MYH8: variants seen among roughly 807,000 people sequenced by gnomAD.
MYH8 encodes myosin-8.
A neutral mutation model predicts 233.2 loss-of-function variants in MYH8; 168 were observed. The ratio of observed to expected loss-of-function variants is 0.72; its 90% CI spans 0.64 to 0.82. MYH8 has a LOEUF of 0.82. MYH8 is among the 40% of genes least tolerant of loss of function. The pLI is 0.00. For synonymous variants in MYH8, 785 were observed against 850.6 expected, an observed-to-expected ratio of 0.92 and a Z score of 1.34; for missense variants, 1,995 against 2,327.8, an observed-to-expected ratio of 0.86 and a Z score of 2.94.
chr17:10,401,401 T>G lies in MYH8; in HGVS notation c.2982A>C (p.Lys994Asn), dbSNP rs992750152. Residue 994 changes from lysine to asparagine, a missense_variant, in exon 24 of 40, where the codon AAA becomes AAC. Coordinates refer to ENST00000403437, the MANE Select transcript of MYH8 (RefSeq NM_002472.3). The part of the protein sequence containing the change: ...EMAGLDETIA[K>N]LSKEKKALQE... ...GGAGAGCCTTCTTCTCCTTGGACAGTTTTGCAATGGTTTCATCCAGGCCTG... is the reference window on the plus strand; with the variant it reads ...GGAGAGCCTTCTTCTCCTTGGACAGGTTTGCAATGGTTTCATCCAGGCCTG... 1.9e-6 allele frequency: 3 copies of G among 1,613,992 alleles called. 1 individual carries two copies. In the Middle Eastern group the frequency reaches 5.0e-4, roughly 266 times the overall value.
At chr17:10,404,726 TACAC>T (rs60545187) in intron 21 of MYH8, 141 bp from the exon 22 acceptor site, 10,789 of 761,508 alleles carry the variant, frequency 0.014, 13 homozygotes, top group Non-Finnish European at 0.016. Context: ...ATGCAGGCTT[TACAC>T]ACACACACAC....
intron 15 of MYH8, 140 bp downstream of exon 15, chr17:10,410,637 A>T: frequency 7.4e-7 from 1 of 1,348,254 alleles, no homozygotes; most frequent in South Asian, 1.2e-5. Context: ...AGTTAAAAAG[A>T]GGAAGTAATT....
In MYH8 at chr17:10,418,725, G is replaced by A. The variant is rs754575329; in HGVS notation, c.431C>T (p.Ala144Val). Residue 144 changes from alanine to valine, a missense_variant, in exon 5 of 40, where the codon GCC (alanine) becomes GTC (valine). Around this residue, in one of 3 missense-constraint regions of MYH8, gnomAD observed 479 missense variants for 600.9 expected, o/e 0.80. Transcript: ENST00000403437. ...CTCCTGGCGCTTTTTGCCTCTGTAG[G>A]CAGCCACCACCTCGGGCTTGTACAC... ...LPVYKPEVVA[A>V]YRGKKRQEAP... is the part of the protein sequence containing the mutation. The A allele has an allele frequency of 8.7e-6, 14 of 1,613,796 alleles. 1 individual carries two copies. The South Asian group carries it at 8.8e-5, about 10-fold the overall frequency.
rs1403210967 is a variant in MYH8 at position 10,418,629 on chromosome 17, T to A, written c.511+16A>T. The stretch of plus-strand genomic sequence containing the variant: ...CTATTTACACATTTCTGTAAATAGA[T>A]GCCTCACTCACTCACCAGTCAACAT... On this transcript the variant is annotated intron_variant, in intron 5 of 39. Coordinates refer to ENST00000403437, the MANE Select transcript of MYH8 (RefSeq NM_002472.3). The A allele has an allele frequency of 1.2e-6, 2 of 1,613,790 alleles. No homozygotes were observed. The highest frequency in any genetic ancestry group is 2.7e-5 in the African/African-American group (2 of 75,052).
chr17:10,412,620 G>A lies in MYH8; in HGVS notation c.1256C>T (p.Thr419Ile), dbSNP rs2072253455. 2 of 1,614,230 alleles carry A rather than the reference G, an allele frequency of 1.2e-6. No individual in the cohort carries two copies. Among genetic ancestry groups the A allele is most frequent in the Non-Finnish European group, 8.5e-7 (1 of 1,180,040 alleles). ...VGNEYVTKGQ[T>I]VQQVYNAVGA... Reference sequence around the variant, plus strand: ...AGGTCATGCACTTACCTGCTGCACAGTCTGGCCTTTGGTGACATACTCATT... The same window carrying A: ...AGGTCATGCACTTACCTGCTGCACAATCTGGCCTTTGGTGACATACTCATT... Residue 419 changes from threonine to isoleucine, a missense_variant, in exon 13 of 40, where the codon ACT (threonine) becomes ATT (isoleucine). Thr to Ile is a moderately conservative substitution (Grantham distance 89, BLOSUM62 -1). Coordinates refer to ENST00000403437, the MANE Select transcript of MYH8 (RefSeq NM_002472.3).
At chr17:10,402,751 A>G (rs2072155442) in intron 22 of MYH8, among the ~76,000 whole-genome samples, 1 of 152,188 alleles carries the variant, frequency 6.6e-6, no homozygotes, top group Non-Finnish European at 1.5e-5. Flanking sequence ...GTTATTACAA[A>G]TGAAAATATT....
rs779989441 is a variant in MYH8 at position 10,396,285 on chromosome 17, T to C, written c.4653+45A>G. The C allele has an allele frequency of 3.1e-6, 5 of 1,608,648 alleles. No homozygotes were observed. The East Asian group carries it at 8.9e-5, about 29-fold the overall frequency. ...ACTAGCCCCACTTTTTTTTAACTGATGTTTGTCTTTGTTTTTCCATAACAT... is the reference window on the plus strand; with the variant it reads ...ACTAGCCCCACTTTTTTTTAACTGACGTTTGTCTTTGTTTTTCCATAACAT... On this transcript the variant is annotated intron_variant, in intron 33 of 39. Coordinates refer to ENST00000403437, the MANE Select transcript of MYH8 (RefSeq NM_002472.3). The surrounding 1 kb of genome is among the most constrained non-coding windows in gnomAD (Gnocchi z 4.2).
Position 10,415,040 on chromosome 17 carries a change from G to A in MYH8, c.805+76C>T, listed in dbSNP as rs2072276723. The A allele has an allele frequency of 1.4e-5, 19 of 1,389,930 alleles. No individual in the cohort carries two copies. The highest frequency in any genetic ancestry group is 4.3e-5 in the African/African-American group (3 of 70,300). 86.1% of individuals were successfully genotyped at this position (1,389,930 alleles called of 1,614,324 possible). A position where few individuals can be genotyped will look rare whatever the true frequency, so the allele number is the denominator to read the frequency against. Reference sequence around the variant, plus strand: ...ACCCTTTTAACAGGCTTCATGCACAGCAAGGGTGGCAAAATATCCCTGCAA... The same window carrying A: ...ACCCTTTTAACAGGCTTCATGCACAACAAGGGTGGCAAAATATCCCTGCAA... On this transcript the variant is annotated intron_variant, in intron 9 of 39. Transcript: ENST00000403437. This position sits in a 1 kb window ranked among gnomAD's most constrained non-coding sequence, Gnocchi z 4.1.
In MYH8 at chr17:10,400,898, G is replaced by C. The variant is rs749713546; in HGVS notation, c.3316C>G (p.Gln1106Glu). Residue 1106 changes from glutamine (Q) to glutamate (E), a missense_variant, in exon 26 of 40, where the codon CAA becomes GAA. Around this residue, in one of 3 missense-constraint regions of MYH8, gnomAD observed 1,498 missense variants for 1,680.9 expected, o/e 0.89. Coordinates refer to ENST00000403437, the MANE Select transcript of MYH8 (RefSeq NM_002472.3). The surrounding 1 kb of genome is among the most constrained non-coding windows in gnomAD (Gnocchi z 4.0). ...KIEDEQAVEIQLQKKIKELQA... is the reference protein window; with the variant it reads ...KIEDEQAVEIELQKKIKELQA... Reference sequence around the variant, plus strand: ...AACTCTTTGATCTTCTTCTGTAGTTGAATTTCTACAGCTTGCTCATCTTCA... The same window carrying C: ...AACTCTTTGATCTTCTTCTGTAGTTCAATTTCTACAGCTTGCTCATCTTCA... 1.2e-6 allele frequency: 2 copies of C among 1,613,782 alleles called. No homozygotes were observed. The highest frequency in any genetic ancestry group is 8.5e-7 in the Non-Finnish European group (1 of 1,180,010).
chr17:10,404,559 T>C lies in MYH8; in HGVS notation c.2459A>G (p.Asn820Ser). The C allele has an allele frequency of 6.2e-7, 1 of 1,614,040 alleles. No individual in the cohort carries two copies. Among genetic ancestry groups the C allele is most frequent in the Non-Finnish European group, 8.5e-7 (1 of 1,179,914 alleles). Residue 820 changes from asparagine to serine, a missense_variant, in exon 22 of 40, where the codon AAT becomes AGT. Physicochemically the swap from Asn to Ser is conservative, Grantham distance 46 (BLOSUM62 1). Transcript: ENST00000403437. ...RREALFCIQY[N>S]VRAFMNVKHW... is the part of the protein sequence containing the mutation. ...CTTGACGTTCATGAAGGCACGGACA[T>C]TATACTGGATGCAGAAAAGTGCTTC... is the stretch of plus-strand genomic sequence containing the variant.
rs144886270 is a variant in MYH8, at chr17:10,394,387, A to T, written c.5028T>A (p.Ile1676=). ...GCAGCAGGTTGGCTCTGCGCTCCAC[A>T]ATTGCCAGCTGTTCCTTGAGGTCCT... ...GQEDLKEQLA[I]VERRANLLQA... The change falls in exon 35 of 40, where the codon ATT becomes ATA. Residue 1676 remains isoleucine (I), a synonymous_variant. Transcript: ENST00000403437. The T allele has an allele frequency of 2.7e-4, 434 of 1,614,044 alleles. 1 individual carries two copies. Among genetic ancestry groups the T allele is most frequent in the Admixed American group, 1.6e-3 (94 of 60,010 alleles).
intron 22 of MYH8, among the ~76,000 whole-genome samples, chr17:10,402,879 C>A (rs78193056): frequency 7.0e-4 from 107 of 152,238 alleles, no homozygotes; most frequent in African/African-American, 2.4e-3. Context: ...ACAACATGGG[C>A]AATAGGCCTA....
intron 5 of MYH8, among the ~76,000 whole-genome samples, chr17:10,418,016 C>A (rs2072303202): frequency 6.6e-6 from 1 of 152,176 alleles, no homozygotes; most frequent in Admixed American, 6.5e-5. Context: ...GCCTATAATG[C>A]GTATCAAAGC....
At chr17:10,414,062 C>A (rs1230273232) in intron 11 of MYH8, 22 bp from the exon 12 acceptor site, 1 of 1,614,048 alleles carries the variant, frequency 6.2e-7, no homozygotes, top group South Asian at 1.1e-5. Context: ...AATGAGAGGA[C>A]AAAAGTTAGG....
intron 21 of MYH8, among the ~76,000 whole-genome samples, chr17:10,405,400 T>C (rs925955434): frequency 2.0e-5 from 3 of 152,206 alleles, no homozygotes; most frequent in South Asian, 2.1e-4. Flanking sequence ...TCTATCTCTA[T>C]AGGTCCAGTT....
Position 10,394,425 on chromosome 17 carries a change from G to A in MYH8, c.4990C>T (p.Leu1664Phe). Residue 1664 changes from leucine to phenylalanine, a missense_variant, in exon 35 of 40, where the codon CTC (leucine) becomes TTC (phenylalanine). Leu to Phe is a conservative substitution (Grantham distance 22). Around this residue, in one of 3 missense-constraint regions of MYH8, gnomAD observed 1,498 missense variants for 1,680.9 expected, o/e 0.89. Coordinates refer to ENST00000403437, the MANE Select transcript of MYH8 (RefSeq NM_002472.3). ...TCCTTGAGGTCCTCCTGGCCCCGGA[G>A]AGCATCATCCAGGTGGAGCTGGGTT... ...KETQLHLDDA[L>F]RGQEDLKEQL... 1 of 1,614,198 alleles carries A rather than the reference G, an allele frequency of 6.2e-7. No individual in the cohort carries two copies. The highest frequency in any genetic ancestry group is 8.5e-7 in the Non-Finnish European group (1 of 1,180,054).
chr17:10,407,845 A>T lies in MYH8; in HGVS notation c.1966-866T>A, dbSNP rs111693143. On this transcript the variant is annotated intron_variant, in intron 17 of 39. Coordinates refer to ENST00000403437, the MANE Select transcript of MYH8 (RefSeq NM_002472.3). ...CAGAGCAAGACTCTGTCTCGAAAAA[A>T]AAATAAATAAATAAAATAAAATAAA... 3.1e-4 allele frequency among the ~76,000 whole-genome samples: 47 copies of T among 151,914 alleles called. No homozygotes were observed. In the East Asian group the frequency reaches 3.7e-3, roughly 12 times the overall value.
In MYH8 at chr17:10,415,479, T is replaced by G; in HGVS notation, c.641A>C (p.Lys214Thr). Residue 214 changes from lysine (K) to threonine (T), a missense_variant, in exon 7 of 40, where the codon AAA becomes ACA. By Grantham distance (78) the Lys-to-Thr change is moderately conservative (BLOSUM62 -1). Transcript: ENST00000403437. The surrounding 1 kb of genome is among the most constrained non-coding windows in gnomAD (Gnocchi z 4.1). ...TGEKKKDESG[K>T]MQGTLEDQII... is the part of the protein sequence containing the mutation. ...TCTGGCTATCAGACCTACCTGCATT[T>G]TGCCAGATTCATCCTTCTTCTTCTC... The G allele has an allele frequency of 6.2e-7, 1 of 1,614,184 alleles. No homozygotes were observed. Among genetic ancestry groups the G allele is most frequent in the Middle Eastern group, 1.6e-4 (1 of 6,062 alleles).
intron 21 of MYH8, among the ~76,000 whole-genome samples, chr17:10,405,326 G>A (rs2142179252): frequency 6.6e-6 from 1 of 152,328 alleles, no homozygotes; most frequent in African/African-American, 2.4e-5. Flanking sequence ...TATAGCCATA[G>A]ACTGGCTAGG....
Sources: gnomAD v4.1 joint callset for allele counts (sites outside exome capture counted in the v4.1 genomes callset) on GRCh38, gnomAD v4.1.1 for gene constraint, gnomAD v4.1.1 regional missense constraint, Gnocchi (gnomAD v3.1) non-coding constraint, MANE v1.5 for transcripts, NCBI Gene and HGNC (gene_info 2026-07-23, HGNC 2026-07-21) for gene names.